Variants in NID2 observed in about 807,000 individuals in gnomAD.
NID2 encodes nidogen-2.
Under a neutral mutation model 145.4 loss-of-function variants are expected in NID2, and 83 were observed. The ratio of observed to expected loss-of-function variants is 0.57; its 90% confidence interval spans 0.48 to 0.69. The LOEUF is 0.69. NID2 is among the 30% of genes least tolerant of loss of function. The pLI, the probability that NID2 is intolerant of heterozygous loss-of-function variation, is 0.00. For synonymous variants in NID2, 739 were observed against 701.3 expected (o/e 1.05, Z -0.85); for missense variants, 1,807 against 1,765.7 (o/e 1.02, Z -0.42).
In NID2 at chr14:52,060,362, A is replaced by AT; in HGVS notation, c.535-7_535-6insA. On this transcript the variant is annotated splice_region_variant and splice_polypyrimidine_tract_variant and intron_variant, in intron 2 of 21. Transcript: ENST00000216286. ...ACTGCCTGGAAAGTGTTCAGCTGTG[A>AT]GGAAAAAAAAAAAAAAAGAGAGAGA... 1 of 979,152 alleles carries AT rather than the reference A, an allele frequency of 1.0e-6. No individual in the cohort carries two copies. Among genetic ancestry groups the AT allele is most frequent in the Non-Finnish European group, 1.4e-6 (1 of 716,830 alleles). 60.7% of individuals were successfully genotyped at this position (979,152 alleles called of 1,614,324 possible).
At chr14:52,011,367 A>G (rs1364386228) in intron 17 of NID2, among the ~76,000 whole-genome samples, 187 bp downstream of exon 17, 3 of 152,134 alleles carry the variant, frequency 2.0e-5, no homozygotes, top group Admixed American at 1.3e-4. Flanking sequence ...GGAATCACCT[A>G]TTTCATTCCG....
chr14:52,005,682 A>G lies in NID2; in HGVS notation c.4117+55T>C, dbSNP rs745646372. 5.5e-6 allele frequency: 8 copies of G among 1,452,874 alleles called. No homozygotes were observed. The South Asian group carries it at 6.8e-5, about 12-fold the overall frequency. 90.0% of individuals were successfully genotyped at this position (1,452,874 alleles called of 1,614,324 possible). ...CAGCAGGGGTAATCAAATACCATAT[A>G]TATCCCTTCTCTACCCTGCTAATTT... On this transcript the variant is annotated intron_variant, in intron 21 of 21. Transcript: ENST00000216286.
At chr14:52,031,022 G>C (rs12894306) in intron 9 of NID2, among the ~76,000 whole-genome samples, 10,374 of 152,234 alleles carry the variant, frequency 0.068, 394 homozygotes, top group Middle Eastern at 0.13. Context: ...AACCTGCCCA[G>C]GGTTACACAG....
chr14:52,007,532 A>G (rs1191595614), intron 19 of NID2: 1 of 392,512 alleles, frequency 2.5e-6, no homozygotes, highest in African/African-American at 2.1e-5. Flanking sequence ...TGTCAATTCA[A>G]CAATGGCTAA....
At chr14:52,047,859 C>T (rs564297896) in intron 5 of NID2, among the ~76,000 whole-genome samples, 1 of 152,228 alleles carries the variant, frequency 6.6e-6, no homozygotes, top group East Asian at 1.9e-4. Context: ...CAGTCCTTCA[C>T]ACGGAGAGCT....
chr14:52,043,050 G>T (rs1892344764), intron 5 of NID2, 119 bp from the exon 6 acceptor site: 2 of 930,930 alleles, frequency 2.1e-6, no homozygotes, highest in Admixed American at 2.3e-5. Flanking sequence ...AGTTTTTGAT[G>T]TTTAAGAGAC....
At chr14:52,007,544 T>C (rs1890833136) in intron 19 of NID2, 1 of 420,220 alleles carries the variant, frequency 2.4e-6, no homozygotes, top group Non-Finnish European at 4.2e-6. Context: ...AATGGCTAAT[T>C]CTTTTAACTG....
At chr14:52,056,757 A>T (rs1192444644) in intron 3 of NID2, among the ~76,000 whole-genome samples, 2 of 152,154 alleles carry the variant, frequency 1.3e-5, no homozygotes, top group Non-Finnish European at 2.9e-5. Flanking sequence ...ATGCCACTGC[A>T]CTCCAGCCTG....
chr14:52,054,494 G>A (rs867209915), intron 3 of NID2, among the ~76,000 whole-genome samples, 173 bp from the exon 4 acceptor site: 3 of 152,186 alleles, frequency 2.0e-5, no homozygotes, highest in Admixed American at 6.5e-5. Context: ...TTAAGCCCAG[G>A]AGTTTGAGAC....
intron 3 of NID2, among the ~76,000 whole-genome samples, chr14:52,054,977 T>C (rs544701076): frequency 8.5e-5 from 13 of 152,332 alleles, no homozygotes; most frequent in African/African-American, 3.1e-4. Context: ...TCATCCTTCC[T>C]CTACTTGTCT....
In NID2 at chr14:52,029,652, C is replaced by T; in HGVS notation, c.2296G>A (p.Gly766Arg). ...GCTGTTGTGTCACACATGTGGCTCC[C>T]ATCATAGCAAGGATTCCCCGGAGTG... ...DPTPGNPCYDGSHMCDTTARC... is the reference protein window; with the variant it reads ...DPTPGNPCYDRSHMCDTTARC... The change falls in exon 10 of 22, where the codon GGG (glycine) becomes AGG (arginine). Residue 766 changes from glycine (G) to arginine (R), a missense_variant. Transcript: ENST00000216286. 6.2e-7 allele frequency: 1 copy of T among 1,614,046 alleles called. No homozygotes were observed. The highest frequency in any genetic ancestry group is 8.5e-7 in the Non-Finnish European group (1 of 1,179,908).
At chr14:52,017,370 T>C (rs1000702507) in intron 14 of NID2, among the ~76,000 whole-genome samples, 21 of 152,134 alleles carry the variant, frequency 1.4e-4, no homozygotes, top group Non-Finnish European at 1.5e-5. Context: ...AGAGCGTCCT[T>C]ACCCTCCCTC....
At chr14:52,053,342 C>G (rs1436006865) in intron 5 of NID2, among the ~76,000 whole-genome samples, 1 of 152,174 alleles carries the variant, frequency 6.6e-6, no homozygotes, top group Non-Finnish European at 1.5e-5. Flanking sequence ...CTTCATGAGG[C>G]CCATATTTTA....
chr14:52,051,687 T>C (rs1370691567), intron 5 of NID2, among the ~76,000 whole-genome samples: 3 of 152,246 alleles, frequency 2.0e-5, no homozygotes, highest in African/African-American at 7.2e-5. Context: ...GCTTCTATAC[T>C]TCATACATCC....
In NID2 at chr14:52,011,589, T is replaced by G. The variant is rs755558004; in HGVS notation, c.3515A>C (p.Glu1172Ala). 5 of 1,614,102 alleles carry G rather than the reference T, an allele frequency of 3.1e-6. No homozygotes were observed. ...GATCGTCTCAGGCTCTGCTCCCAGT[T>G]CCAGACCAGCACGGCTGATTGTCCG... is the stretch of plus-strand genomic sequence containing the variant. ...AGRTISRAGL[E>A]LGAEPETIVN... Residue 1172 changes from glutamate (E) to alanine (A), a missense_variant, in exon 17 of 22, where the codon GAA (glutamate) becomes GCA (alanine). Physicochemically the swap from Glu to Ala is moderately radical, Grantham distance 107 (BLOSUM62 -1). Coordinates refer to ENST00000216286, the MANE Select transcript of NID2 (RefSeq NM_007361.4).
Position 52,056,322 on chromosome 14 carries a change from A to G in NID2, c.768-2001T>C, listed in dbSNP as rs115015900. On this transcript the variant is annotated intron_variant, in intron 3 of 21. Transcript: ENST00000216286. ...TATAAATCACTATCTGGGTTTTGTC[A>G]TTATGCATAATGGAAAAGTAACCAA... Among the ~76,000 whole-genome samples, 1,412 of 152,320 alleles carry G rather than the reference A, an allele frequency of 9.3e-3. 20 individuals carry two copies. Among genetic ancestry groups the G allele is most frequent in the African/African-American group, 0.033 (1,353 of 41,562 alleles).
Position 52,041,029 on chromosome 14 carries a change from T to C in NID2, c.1826-178A>G, listed in dbSNP as rs77202855. Among the ~76,000 whole-genome samples the C allele has an allele frequency of 5.1e-3, 779 of 152,336 alleles. 9 individuals are homozygous for C. Among genetic ancestry groups the C allele is most frequent in the African/African-American group, 0.017 (710 of 41,584 alleles). ...TTCCATAAGTTCCCAAACTTTTCCA[T>C]TGAAGAATATGGTTTCATCCTGCCT... is the stretch of plus-strand genomic sequence containing the variant. On this transcript the variant is annotated intron_variant, in intron 7 of 21. Transcript: ENST00000216286.
At position 52,054,338 on chromosome 14, in the gene NID2, C is replaced by T. The variant is rs760805500; in HGVS notation, c.768-17G>A. On this transcript the variant is annotated splice_polypyrimidine_tract_variant and intron_variant, in intron 3 of 21. Coordinates refer to ENST00000216286, the MANE Select transcript of NID2 (RefSeq NM_007361.4). ...TTGCTTAGTCTAAATAAAAAGGAAA[C>T]AGTCATTGTAACAAATGTAACAAAA... The T allele has an allele frequency of 6.3e-7, 1 of 1,597,686 alleles. No individual in the cohort carries two copies. Among genetic ancestry groups the T allele is most frequent in the African/African-American group, 1.3e-5 (1 of 74,382 alleles).
At chr14:52,020,248 G>T in intron 12 of NID2, 70 bp from the exon 13 acceptor site, 1 of 1,593,694 alleles carries the variant, frequency 6.3e-7, no homozygotes. Context: ...CTGTGCGACT[G>T]CATGGGCTTT....
Sources: allele counts gnomAD v4.1 joint callset (sites outside exome capture counted in the v4.1 genomes callset), GRCh38; gene constraint gnomAD v4.1.1; transcripts MANE v1.5; gene names NCBI Gene and HGNC (gene_info 2026-07-23, HGNC 2026-07-21).